ADAMTSL1: variants seen among roughly 807,000 people sequenced by gnomAD.
ADAMTSL1 encodes the protein ADAMTS like 1, also known as ADAMTS-like protein 1.
Under a neutral mutation model 201.8 loss-of-function variants are expected in ADAMTSL1, and 126 were observed. The ratio of observed to expected loss-of-function variants is 0.62; its 90% CI spans 0.54 to 0.72. The LOEUF is 0.72. Among genes scored for constraint, ADAMTSL1 ranks in the 30% least tolerant of loss-of-function variants. ADAMTSL1 has a pLI of 0.00. For synonymous variants in ADAMTSL1, 1,121 were observed against 903.4 expected (o/e 1.24, Z -4.32); for missense variants, 2,679 against 2,277.8 (o/e 1.18, Z -3.59).
At chr9:18,495,187 C>T (rs911244774) in intron 1 of ADAMTSL1, among the ~76,000 whole-genome samples, 1 of 152,148 alleles carries the variant, frequency 6.6e-6, no homozygotes, top group African/African-American at 2.4e-5. Flanking sequence ...CCCCACTAAA[C>T]TGTAAATCCT....
intron 1 of ADAMTSL1, among the ~76,000 whole-genome samples, chr9:18,475,392 C>T (rs1821398754): frequency 6.6e-6 from 1 of 152,122 alleles, no homozygotes; most frequent in African/African-American, 2.4e-5. Flanking sequence ...CCATTTGGTA[C>T]AAACTGAAAA....
chr9:18,837,399 A>G lies in ADAMTSL1; in HGVS notation c.4249+7422A>G, dbSNP rs145412348. On this transcript the variant is annotated intron_variant, in intron 23 of 28. Transcript: ENST00000380548. Reference sequence around the variant, plus strand: ...GCCTTTGCATCTTTCTGGAAAATCAATTGTTCTTATATACGTGGGTATATT... The same window carrying G: ...GCCTTTGCATCTTTCTGGAAAATCAGTTGTTCTTATATACGTGGGTATATT... Among the ~76,000 whole-genome samples the G allele has an allele frequency of 2.1e-3, 322 of 152,298 alleles. 5 individuals carry two copies. The highest frequency in any genetic ancestry group is 7.3e-3 in the African/African-American group (305 of 41,560).
At chr9:18,853,567 C>T (rs746487223) in intron 23 of ADAMTSL1, among the ~76,000 whole-genome samples, 1 of 152,180 alleles carries the variant, frequency 6.6e-6, no homozygotes, top group South Asian at 2.1e-4. Context: ...TCAGGCTCCT[C>T]TCATCCTCCT....
chr9:17,969,431 T>G (rs1818114800), intron 1 of ADAMTSL1, among the ~76,000 whole-genome samples: 1 of 152,068 alleles, frequency 6.6e-6, no homozygotes, highest in Non-Finnish European at 1.5e-5. Flanking sequence ...AGGTGTCTGG[T>G]GTCAGACACA....
chr9:18,115,214 T>A (rs922344314), intron 1 of ADAMTSL1, among the ~76,000 whole-genome samples: 1 of 152,154 alleles, frequency 6.6e-6, no homozygotes, highest in Admixed American at 6.6e-5. Context: ...CTATTGAACA[T>A]CTTTTTTGCA....
intron 2 of ADAMTSL1, among the ~76,000 whole-genome samples, chr9:18,199,639 G>T (rs1480576176): frequency 6.6e-6 from 1 of 152,108 alleles, no homozygotes; most frequent in African/African-American, 2.4e-5. Context: ...CCAAAGCTGG[G>T]TAGTGTCTTT....
intron 1 of ADAMTSL1, among the ~76,000 whole-genome samples, chr9:17,946,213 G>A (rs906486722): frequency 1.3e-5 from 2 of 151,226 alleles, no homozygotes; most frequent in African/African-American, 4.9e-5. Flanking sequence ...TGCCCAGGCT[G>A]GTCTCAAACT....
intron 3 of ADAMTSL1, among the ~76,000 whole-genome samples, chr9:18,564,217 A>G (rs1327105405): frequency 6.6e-6 from 1 of 152,162 alleles, no homozygotes; most frequent in African/African-American, 2.4e-5. Flanking sequence ...GCCGGATAGC[A>G]CCGTCCCTCG....
At chr9:18,638,187 A>G (rs980568481) in intron 6 of ADAMTSL1, among the ~76,000 whole-genome samples, 4 of 152,134 alleles carry the variant, frequency 2.6e-5, no homozygotes, top group Non-Finnish European at 5.9e-5. Flanking sequence ...ATCACTGGGC[A>G]TTTAATTGAA....
chr9:18,247,426 C>G (rs553157136), intron 2 of ADAMTSL1, among the ~76,000 whole-genome samples: 1 of 152,128 alleles, frequency 6.6e-6, no homozygotes, highest in Non-Finnish European at 1.5e-5. Context: ...AATACATATT[C>G]AGAGCTAATG....
chr9:18,005,420 C>G (rs1186382419), intron 1 of ADAMTSL1, among the ~76,000 whole-genome samples: 1 of 152,038 alleles, frequency 6.6e-6, no homozygotes, highest in Non-Finnish European at 1.5e-5. Flanking sequence ...GCACAACTTG[C>G]TTTCATTTAA....
chr9:18,704,253 G>A (rs925211543), intron 13 of ADAMTSL1, among the ~76,000 whole-genome samples: 3 of 152,160 alleles, frequency 2.0e-5, no homozygotes, highest in Non-Finnish European at 4.4e-5. Flanking sequence ...AGCTGCAACA[G>A]AGTTCACGCA....
chr9:18,648,393 A>G (rs1268870452), intron 7 of ADAMTSL1, among the ~76,000 whole-genome samples: 1 of 151,824 alleles, frequency 6.6e-6, no homozygotes, highest in East Asian at 1.9e-4. Flanking sequence ...TTACATTTAA[A>G]GTTAATATTG....
intron 1 of ADAMTSL1, among the ~76,000 whole-genome samples, chr9:18,033,709 C>G (rs1463953974): frequency 1.3e-5 from 2 of 152,084 alleles, no homozygotes; most frequent in African/African-American, 4.8e-5. Context: ...TTAGCTCTTG[C>G]CCTCACCGTC....
chr9:18,102,075 C>T (rs1173375507), intron 1 of ADAMTSL1, among the ~76,000 whole-genome samples: 1 of 152,170 alleles, frequency 6.6e-6, no homozygotes, highest in Non-Finnish European at 1.5e-5. Flanking sequence ...AAAGGCGTTA[C>T]TTAATAATAT....
At chr9:18,071,684 C>T (rs1292271823) in intron 1 of ADAMTSL1, among the ~76,000 whole-genome samples, 2 of 152,144 alleles carry the variant, frequency 1.3e-5, no homozygotes, top group Non-Finnish European at 2.9e-5. Flanking sequence ...GGGAGTGTGT[C>T]CTCTATAGAG....
chr9:17,968,568 A>T (rs376713334), intron 1 of ADAMTSL1, among the ~76,000 whole-genome samples: 1 of 152,092 alleles, frequency 6.6e-6, no homozygotes, highest in African/African-American at 2.4e-5. Flanking sequence ...TTTGATTCTT[A>T]GGTTGGCACC....
chr9:18,209,106 G>A (rs553842078), intron 2 of ADAMTSL1, among the ~76,000 whole-genome samples: 4 of 152,214 alleles, frequency 2.6e-5, no homozygotes, highest in South Asian at 2.1e-4. Flanking sequence ...GTGTGTCTGC[G>A]TGTTGTGAAT....
At chr9:18,798,705 CAG>C (rs1265993444) in intron 20 of ADAMTSL1, among the ~76,000 whole-genome samples, 1 of 152,192 alleles carries the variant, frequency 6.6e-6, no homozygotes, top group African/African-American at 2.4e-5. Flanking sequence ...ACGTGGGCAA[CAG>C]AGAGAGACGC....
Sources: gnomAD v4.1 joint callset for allele counts (sites outside exome capture counted in the v4.1 genomes callset) on GRCh38, gnomAD v4.1.1 for gene constraint, MANE v1.5 for transcripts, NCBI Gene and HGNC (gene_info 2026-07-23, HGNC 2026-07-21) for gene names.